The following DGKG variants were observed in gnomAD, a reference collection of about 807,000 sequenced individuals.
The protein encoded by DGKG is DAG kinase gamma.
Under a neutral mutation model 105.3 loss-of-function variants are expected in DGKG, and 78 were observed. The observed-to-expected ratio is 0.74, with a 90% CI of 0.62 to 0.89. The LOEUF (loss-of-function observed/expected upper bound fraction) is 0.89, where lower values mean the gene tolerates loss of function less well. DGKG is among the 40% of genes least tolerant of loss of function. The pLI, the probability that DGKG is intolerant of heterozygous loss-of-function variation, is 0.00. For synonymous variants in DGKG, 346 were observed against 367.1 expected (o/e 0.94, Z 0.66); for missense variants, 958 against 1,020.1 (o/e 0.94, Z 0.83).
At chr3:186,185,619 A>G (rs1270168931) in intron 22 of DGKG, among the ~76,000 whole-genome samples, 2 of 152,120 alleles carry the variant, frequency 1.3e-5, no homozygotes, top group Non-Finnish European at 2.9e-5. Context: ...GGAGCTAGAT[A>G]CCAGAGCGGG....
At chr3:186,197,150 G>C (rs1028533221) in intron 21 of DGKG, among the ~76,000 whole-genome samples, 1 of 152,074 alleles carries the variant, frequency 6.6e-6, no homozygotes, top group Non-Finnish European at 1.5e-5. Flanking sequence ...AGAGTTGGCC[G>C]GGGGGTAGCT....
At chr3:186,194,014 G>A (rs1718045712) in intron 21 of DGKG, among the ~76,000 whole-genome samples, 1 of 152,230 alleles carries the variant, frequency 6.6e-6, no homozygotes, top group Non-Finnish European at 1.5e-5. Flanking sequence ...GTGCGCCGGC[G>A]GCCAGGTGCC....
At chr3:186,297,945 T>G in intron 4 of DGKG, 119 bp downstream of exon 4, 4 of 1,199,728 alleles carry the variant, frequency 3.3e-6, no homozygotes, top group Non-Finnish European at 4.7e-6. Flanking sequence ...CCTTGGTTCA[T>G]GTTCGCACCG....
chr3:186,178,713 G>A (rs542237110), intron 22 of DGKG, among the ~76,000 whole-genome samples: 28 of 152,312 alleles, frequency 1.8e-4, no homozygotes, highest in African/African-American at 6.0e-4. Flanking sequence ...TCATTCAGAC[G>A]TCAGCTGAGA....
At chr3:186,160,844 A>C (rs1028557947) in intron 24 of DGKG, 3 of 985,324 alleles carry the variant, frequency 3.0e-6, no homozygotes, top group Middle Eastern at 5.2e-4. Context: ...AGAAGGAAGG[A>C]TGCATGGCTC....
chr3:186,193,805 G>A (rs1036283747), intron 21 of DGKG, among the ~76,000 whole-genome samples: 1 of 152,244 alleles, frequency 6.6e-6, no homozygotes, highest in African/African-American at 2.4e-5. Context: ...CGGCCCGCGC[G>A]GCCCCAGCGT....
intron 17 of DGKG, among the ~76,000 whole-genome samples, chr3:186,255,425 G>C (rs1191403126): frequency 6.6e-6 from 1 of 152,248 alleles, no homozygotes; most frequent in Non-Finnish European, 1.5e-5. Context: ...GAGGCTGGTG[G>C]GTGTGTCAGG....
At position 186,147,983 on chromosome 3, in the gene DGKG, C is replaced by G. The variant is rs1178131102; in HGVS notation, c.*2107G>C. Reference sequence around the variant, plus strand: ...TTGAGCAGAATGGTCCAAGATCTTGCTCCTAGGTGGTCCTTCACAGTTAAG... The same window carrying G: ...TTGAGCAGAATGGTCCAAGATCTTGGTCCTAGGTGGTCCTTCACAGTTAAG... On this transcript the variant is annotated 3_prime_UTR_variant, in exon 25 of 25. Coordinates refer to ENST00000265022, the MANE Select transcript of DGKG (RefSeq NM_001346.3). 1.0e-6 allele frequency: 1 copy of G among 985,350 alleles called. No homozygotes were observed. Among genetic ancestry groups the G allele is most frequent in the Non-Finnish European group, 1.2e-6 (1 of 829,954 alleles). 61.0% of individuals were successfully genotyped at this position (985,350 alleles called of 1,614,324 possible). A position where few individuals can be genotyped will look rare whatever the true frequency, so the allele number is the denominator to read the frequency against.
chr3:186,340,275 A>T (rs185910236), intron 1 of DGKG, among the ~76,000 whole-genome samples: 4 of 152,326 alleles, frequency 2.6e-5, no homozygotes, highest in Admixed American at 6.5e-5. Flanking sequence ...AAGTAAATTT[A>T]AAAAACTATA....
chr3:186,277,390 A>C (rs2108592093), intron 9 of DGKG, among the ~76,000 whole-genome samples: 1 of 152,362 alleles, frequency 6.6e-6, no homozygotes, highest in East Asian at 1.9e-4. Flanking sequence ...AAGTTCGGTA[A>C]CTAGCCCAAG....
chr3:186,219,257 C>G (rs954155651), intron 20 of DGKG, among the ~76,000 whole-genome samples: 6 of 152,046 alleles, frequency 3.9e-5, no homozygotes, highest in Admixed American at 3.9e-4. Flanking sequence ...ACAGGTGCTG[C>G]AGAGGCCATC....
chr3:186,347,158 G>GAAAT lies in DGKG; in HGVS notation c.-249+14784_-249+14787dup, dbSNP rs1726375674. On this transcript the variant is annotated intron_variant, in intron 1 of 24. Transcript: ENST00000265022. The stretch of plus-strand genomic sequence containing the variant: ...ATGCGTGGTTCTTTGTCTTTTAATA[G>GAAAT]AAATGATTGGCCAGGCGGGGCGGCT... Among the ~76,000 whole-genome samples the GAAAT allele has an allele frequency of 4.6e-5, 7 of 151,926 alleles. No homozygotes were observed. The South Asian group carries it at 1.5e-3, about 32-fold the overall frequency.
At chr3:186,295,638 TAAAAAAAAAAAA>T (rs34829528) in intron 5 of DGKG, among the ~76,000 whole-genome samples, 2 of 84,528 alleles carry the variant, frequency 2.4e-5, no homozygotes, top group Non-Finnish European at 4.3e-5. Context: ...TAATGCACAG[TAAAAAAAAAAAA>T]AAAAAAAAAA....
intron 1 of DGKG, among the ~76,000 whole-genome samples, chr3:186,344,913 ATAT>A (rs1726257580): frequency 6.6e-6 from 1 of 152,148 alleles, no homozygotes; most frequent in Admixed American, 6.5e-5. Flanking sequence ...TGTGCTTTGG[ATAT>A]TACGCAGCAT....
At chr3:186,234,644 A>G (rs1297804786) in intron 20 of DGKG, among the ~76,000 whole-genome samples, 2 of 152,202 alleles carry the variant, frequency 1.3e-5, no homozygotes. Context: ...AGGGGCTACA[A>G]GAAAAAGCCC....
At chr3:186,253,256 T>A in intron 17 of DGKG, 74 bp from the exon 18 acceptor site, 1 of 1,220,470 alleles carries the variant, frequency 8.2e-7, no homozygotes, top group South Asian at 1.2e-5. Flanking sequence ...TTTTTATCCC[T>A]GATCTGATGC....
At chr3:186,268,433 T>C (rs1486123877) in intron 12 of DGKG, among the ~76,000 whole-genome samples, 1 of 152,170 alleles carries the variant, frequency 6.6e-6, no homozygotes, top group Non-Finnish European at 1.5e-5. Flanking sequence ...CCCCCTCCTA[T>C]GATGCTCCTG....
In DGKG at chr3:186,268,886, G is replaced by A. The variant is rs1722184392; in HGVS notation, c.1031C>T (p.Ser344Phe). 6.2e-7 allele frequency: 1 copy of A among 1,613,864 alleles called. No homozygotes were observed. The highest frequency in any genetic ancestry group is 1.3e-5 in the African/African-American group (1 of 74,950). Residue 344 changes from serine to phenylalanine, a missense_variant, in exon 12 of 25, where the codon TCC becomes TTC. This residue lies in a region of DGKG where 643 missense variants were observed against 619.5 expected (regional missense o/e 1.04). Transcript: ENST00000265022. ...GTGGCACCGGTCACACTTGACGGAG[G>A]AGTTCCCTTCCACCCATGCGTGCTG... ...VMQHAWVEGN[S>F]SVKCDRCHKS...
chr3:186,288,766 T>A lies in DGKG; in HGVS notation c.488A>T (p.Asp163Val), dbSNP rs201478706. Reference protein sequence around the residue: ...SSESPVVYLKDVVCYLSLLET... With the variant: ...SSESPVVYLKVVVCYLSLLET... The stretch of plus-strand genomic sequence containing the variant: ...CAGCAGGGACAGGTAGCACACAACA[T>A]CCTTCAGGTATACCACTGGGGATTC... Residue 163 changes from aspartate to valine, a missense_variant, in exon 6 of 25, where the codon GAT becomes GTT. By Grantham distance (152) the Asp-to-Val change is radical. Around this residue, in one of 2 missense-constraint regions of DGKG, gnomAD observed 643 missense variants for 619.5 expected, o/e 1.04. Transcript: ENST00000265022. 5.9e-4 allele frequency: 946 copies of A among 1,613,918 alleles called. 3 individuals carry two copies. The highest frequency in any genetic ancestry group is 7.0e-4 in the Non-Finnish European group (821 of 1,179,986).
Sources: gnomAD v4.1 joint callset for allele counts (sites outside exome capture counted in the v4.1 genomes callset) on GRCh38, gnomAD v4.1.1 for gene constraint, gnomAD v4.1.1 regional missense constraint, MANE v1.5 for transcripts, NCBI Gene and HGNC (gene_info 2026-07-23, HGNC 2026-07-21) for gene names.